Variants in WDPCP observed in about 807,000 individuals in gnomAD.
WDPCP encodes the protein WD repeat containing planar cell polarity effector.
A neutral mutation model predicts 93.1 loss-of-function variants in WDPCP; 71 were observed. The observed-to-expected ratio is 0.76, with a 90% CI of 0.63 to 0.93. WDPCP has a LOEUF of 0.93. Ranked by LOEUF, WDPCP falls within the 40% of genes least tolerant of loss-of-function variation. WDPCP has a pLI of 0.00. For missense variants in WDPCP, 844 were observed against 887.4 expected (o/e 0.95, Z 0.62); for synonymous variants, 315 against 315.0 (o/e 1.00, Z 0.00).
chr2:63,486,670 CATGTAT>C, intron 3 of WDPCP, 84 bp from the exon 4 acceptor site: 1 of 1,182,674 alleles, frequency 8.5e-7, no homozygotes, highest in Non-Finnish European at 1.2e-6. Flanking sequence ...TTAATATGTA[CATGTAT>C]AAGGTATTAT....
intron 10 of WDPCP, among the ~76,000 whole-genome samples, chr2:63,392,177 C>A (rs1476863147): frequency 6.6e-6 from 1 of 152,064 alleles, no homozygotes; most frequent in Non-Finnish European, 1.5e-5. Flanking sequence ...GGTACTGGTA[C>A]CAAAACAGAG....
intron 12 of WDPCP, among the ~76,000 whole-genome samples, chr2:63,371,771 A>AT (rs1423899427): frequency 3.3e-5 from 5 of 152,118 alleles, no homozygotes; most frequent in African/African-American, 1.2e-4. Context: ...AATGAGGGAG[A>AT]ACAAGAGAAT....
At chr2:63,368,440 C>T (rs534828715) in intron 12 of WDPCP, among the ~76,000 whole-genome samples, 21 of 152,104 alleles carry the variant, frequency 1.4e-4, no homozygotes, top group African/African-American at 4.8e-4. Context: ...ATTCTCCTGC[C>T]TCAACCTCCT....
At chr2:63,497,128 A>AAAT (rs1701275046) in intron 1 of WDPCP, among the ~76,000 whole-genome samples, 1 of 150,450 alleles carries the variant, frequency 6.6e-6, no homozygotes, top group African/African-American at 2.5e-5. Context: ...AAAAAAAAAA[A>AAAT]AAAAGAATGG....
chr2:63,797,950 C>T (rs1343348790), intron 2 of WDPCP, among the ~76,000 whole-genome samples: 1 of 152,132 alleles, frequency 6.6e-6, no homozygotes, highest in Non-Finnish European at 1.5e-5. Flanking sequence ...AAACAAATAA[C>T]ATACAATGGA....
At chr2:63,332,039 G>A (rs1390133055) in intron 12 of WDPCP, among the ~76,000 whole-genome samples, 1 of 151,260 alleles carries the variant, frequency 6.6e-6, no homozygotes, top group Admixed American at 6.6e-5. Context: ...TCATGTATAA[G>A]TTCTTGTGTG....
chr2:63,263,466 G>A (rs1681827160), intron 13 of WDPCP, among the ~76,000 whole-genome samples: 1 of 152,138 alleles, frequency 6.6e-6, no homozygotes, highest in African/African-American at 2.4e-5. Context: ...TCCTTTCTCT[G>A]TCTCATGTGT....
At chr2:63,819,440 G>T (rs1670987076) in intron 1 of WDPCP, among the ~76,000 whole-genome samples, 1 of 152,108 alleles carries the variant, frequency 6.6e-6, no homozygotes, top group African/African-American at 2.4e-5. Flanking sequence ...TTCCCTAATA[G>T]TCATAAACCA....
At chr2:63,590,986 T>C (rs993353915), upstream of WDPCP, 5 of 152,198 alleles carry the variant, frequency 3.3e-5, no homozygotes, top group Non-Finnish European at 7.3e-5. Flanking sequence ...TAGTTTTTTG[T>C]GTTATAGAAA....
At chr2:63,715,615 T>C (rs1353870585) in intron 2 of WDPCP, among the ~76,000 whole-genome samples, 2 of 152,244 alleles carry the variant, frequency 1.3e-5, no homozygotes, top group African/African-American at 4.8e-5. Context: ...AATTTTTTCA[T>C]GCTTCACAAA....
At position 63,159,460 on chromosome 2, in the gene WDPCP, C is replaced by T. The variant is rs139862003; in HGVS notation, c.2079-5886G>A. 2.2e-4 allele frequency among the ~76,000 whole-genome samples: 33 copies of T among 152,242 alleles called. No individual in the cohort carries two copies. The East Asian group carries it at 5.8e-3, about 27-fold the overall frequency. On this transcript the variant is annotated intron_variant, in intron 15 of 17. Coordinates refer to ENST00000272321, the MANE Select transcript of WDPCP (RefSeq NM_015910.7). ...CAGATAATTCCAACATTTGTCATCT[C>T]AGCATTATTGTCTTTTACTAATCTT...
At chr2:63,235,912 A>C (rs1679348252) in intron 14 of WDPCP, among the ~76,000 whole-genome samples, 1 of 152,200 alleles carries the variant, frequency 6.6e-6, no homozygotes, top group Admixed American at 6.6e-5. Context: ...AAAAACTGGA[A>C]GCATTCCCCT....
chr2:63,378,175 T>C (rs932701699), intron 12 of WDPCP: 3 of 617,772 alleles, frequency 4.9e-6, no homozygotes, highest in Non-Finnish European at 8.2e-6. Flanking sequence ...TAAAAAGTAT[T>C]GGTTATATAA....
chr2:63,424,643 G>T (rs1000620495), intron 9 of WDPCP, among the ~76,000 whole-genome samples: 1 of 152,206 alleles, frequency 6.6e-6, no homozygotes, highest in Admixed American at 6.5e-5. Flanking sequence ...CAGCTCAGGG[G>T]AGCCAAGCTG....
intron 14 of WDPCP, among the ~76,000 whole-genome samples, chr2:63,220,815 G>A (rs1040099195): frequency 2.6e-5 from 4 of 152,036 alleles, no homozygotes; most frequent in African/African-American, 9.7e-5. Context: ...TAGGTACTAA[G>A]CCCTGCATGC....
chr2:63,163,768 G>C (rs1672786890), intron 15 of WDPCP, among the ~76,000 whole-genome samples: 1 of 151,968 alleles, frequency 6.6e-6, no homozygotes, highest in African/African-American at 2.4e-5. Flanking sequence ...TCTACTGCCA[G>C]GCATTCTGTT....
intron 1 of WDPCP, among the ~76,000 whole-genome samples, chr2:63,822,177 T>C (rs1204864112): frequency 1.3e-5 from 2 of 152,166 alleles, no homozygotes; most frequent in African/African-American, 4.8e-5. Context: ...ACTGTTTTGT[T>C]TTATGTAACA....
chr2:63,656,645 A>C (rs1710169689), intron 2 of WDPCP, among the ~76,000 whole-genome samples: 1 of 152,254 alleles, frequency 6.6e-6, no homozygotes, highest in Non-Finnish European at 1.5e-5. Context: ...CTAAAACAGC[A>C]TCAAAAACAA....
intron 12 of WDPCP, among the ~76,000 whole-genome samples, chr2:63,366,514 T>TG (rs1324782742): frequency 1.7e-5 from 1 of 60,372 alleles, no homozygotes; most frequent in Non-Finnish European, 2.7e-5. Flanking sequence ...GCACTCATTG[T>TG]GCCCTTATTA....
Sources: gnomAD v4.1 joint callset for allele counts (sites outside exome capture counted in the v4.1 genomes callset) on GRCh38, gnomAD v4.1.1 for gene constraint, MANE v1.5 for transcripts, NCBI Gene and HGNC (gene_info 2026-07-23, HGNC 2026-07-21) for gene names.